Variants in IQGAP3 observed in about 807,000 individuals in gnomAD.
IQGAP3 encodes ras GTPase-activating-like protein IQGAP3.
IQGAP3 carries 165 observed loss-of-function variants against 208.2 expected under a neutral mutation model. That is an observed-to-expected ratio of 0.79 (90% CI 0.70 to 0.90). The LOEUF (loss-of-function observed/expected upper bound fraction) is 0.90, where lower values mean the gene tolerates loss of function less well. IQGAP3 is among the 40% of genes least tolerant of loss of function. The pLI, the probability that IQGAP3 is intolerant of heterozygous loss-of-function variation, is 0.00. For missense variants in IQGAP3, 1,811 were observed against 2,043.1 expected (o/e 0.89, Z 2.19); for synonymous variants, 703 against 803.6 (o/e 0.87, Z 2.12).
chr1:156,528,295 G>C (rs532621921), intron 36 of IQGAP3, among the ~76,000 whole-genome samples: 2 of 152,252 alleles, frequency 1.3e-5, no homozygotes, highest in South Asian at 2.1e-4. Flanking sequence ...AGCTTTCCCA[G>C]TACCCTCTGC....
In IQGAP3 at chr1:156,566,502, T is replaced by A. The variant is rs781563503; in HGVS notation, c.170A>T (p.Glu57Val). The A allele has an allele frequency of 6.2e-7, 1 of 1,614,020 alleles. No individual in the cohort carries two copies. The highest frequency in any genetic ancestry group is 1.1e-5 in the South Asian group (1 of 91,062). ...CLKEELPSPVELEESLRNGVL... is the reference protein window; with the variant it reads ...CLKEELPSPVVLEESLRNGVL... ...TCCATTCCGAAGGCTCTCCTCCAGC[T>A]CCACCGGGGAAGGAAGCTCCTCCTT... The change falls in exon 3 of 38, where the codon GAG becomes GTG. Residue 57 changes from glutamate (E) to valine (V), a missense_variant. Transcript: ENST00000361170.
rs530408154 is a variant in IQGAP3 at position 156,566,420 on chromosome 1, C to A, written c.252G>T (p.Lys84Asn). The change falls in exon 3 of 38, where the codon AAG (lysine) becomes AAT (asparagine). Residue 84 changes from lysine (K) to asparagine (N), a missense_variant. Coordinates refer to ENST00000361170, the MANE Select transcript of IQGAP3 (RefSeq NM_178229.5). ...CFAPSVVPLK[K>N]IYDVEQLRYQ... is the part of the protein sequence containing the mutation. ...ACCGCAGCTGCTCCACATCGTAGAT[C>A]TTCTTCAAGGGAACCACGGAGGGTG... is the stretch of plus-strand genomic sequence containing the variant. The A allele has an allele frequency of 2.5e-6, 4 of 1,614,154 alleles. No homozygotes were observed. The East Asian group carries it at 6.7e-5, about 27-fold the overall frequency.
intron 32 of IQGAP3, among the ~76,000 whole-genome samples, chr1:156,532,571 G>T (rs749304378): frequency 1.6e-4 from 24 of 152,106 alleles, no homozygotes; most frequent in Admixed American, 6.5e-4. Flanking sequence ...TTTGGGCCAG[G>T]CGCAGTGGGT....
In IQGAP3 at chr1:156,537,252, G is replaced by A. The variant is rs770754943; in HGVS notation, c.3351C>T (p.Ile1117=). ...TCATGGCGAGGAGGTTGCGTAGGGC[G>A]ATGTCCAGTCGTCTCTGGACCTCGG... ...SHPEVQRRLD[I]ALRNLLAMTD... Residue 1117 remains isoleucine, a synonymous_variant, in exon 27 of 38, where the codon ATC becomes ATT. Transcript: ENST00000361170. 39 of 1,614,042 alleles carry A rather than the reference G, an allele frequency of 2.4e-5. No individual in the cohort carries two copies. The highest frequency in any genetic ancestry group is 2.4e-4 in the South Asian group (22 of 91,070).
At chr1:156,540,673 G>A in intron 23 of IQGAP3, 35 bp downstream of exon 23, 1 of 1,564,416 alleles carries the variant, frequency 6.4e-7, no homozygotes, top group Non-Finnish European at 8.8e-7. Context: ...GAGGCAGGCA[G>A]ATCTCGGGGA....
chr1:156,531,238 C>T lies in IQGAP3; in HGVS notation c.4113G>A (p.Gln1371=). 1.2e-6 allele frequency: 2 copies of T among 1,613,462 alleles called. No individual in the cohort carries two copies. Among genetic ancestry groups the T allele is most frequent in the Non-Finnish European group, 1.7e-6 (2 of 1,179,558 alleles). The change falls in exon 33 of 38, where the codon CAG becomes CAA. Residue 1371 remains glutamine (Q), a synonymous_variant. Transcript: ENST00000361170. The part of the protein sequence containing the change: ...NTRSLLLSTK[Q]LLADIIQFHP... Reference sequence around the variant, plus strand: ...GGAACTGTATGATATCGGCCAACAGCTGCTTGGTGCTGCACAAGGAGGACA... The same window carrying T: ...GGAACTGTATGATATCGGCCAACAGTTGCTTGGTGCTGCACAAGGAGGACA...
intron 25 of IQGAP3, 50 bp downstream of exon 25, chr1:156,539,324 G>T (rs1674864848): frequency 6.4e-7 from 1 of 1,554,446 alleles, no homozygotes; most frequent in Non-Finnish European, 8.8e-7. Flanking sequence ...GCCAACAGGG[G>T]GATCTCTTAA....
intron 13 of IQGAP3, among the ~76,000 whole-genome samples, chr1:156,553,031 A>G (rs145235571): frequency 6.6e-6 from 1 of 152,226 alleles, no homozygotes; most frequent in African/African-American, 2.4e-5. Flanking sequence ...CCATGATTGC[A>G]CCACTGCACT....
intron 12 of IQGAP3, among the ~76,000 whole-genome samples, chr1:156,555,184 T>C (rs1305327805): frequency 2.0e-5 from 3 of 152,242 alleles, no homozygotes; most frequent in Non-Finnish European, 4.4e-5. Context: ...GTCCTTCTTC[T>C]GCTTTTCAAA....
intron 12 of IQGAP3, among the ~76,000 whole-genome samples, chr1:156,556,067 G>T (rs1418598291): frequency 6.6e-6 from 1 of 152,204 alleles, no homozygotes; most frequent in Non-Finnish European, 1.5e-5. Flanking sequence ...TTCTCTCCCT[G>T]TGTGTCTCTA....
In IQGAP3 at chr1:156,540,721, C is replaced by T. The variant is rs754197779; in HGVS notation, c.2726G>A (p.Arg909Gln). 4.8e-5 allele frequency: 77 copies of T among 1,613,820 alleles called. No homozygotes were observed. Among genetic ancestry groups the T allele is most frequent in the Admixed American group, 2.8e-4 (17 of 60,004 alleles). The change falls in exon 23 of 38, where the codon CGG becomes CAG. Residue 909 changes from arginine to glutamine, a missense_variant. Transcript: ENST00000361170. Reference protein sequence around the residue: ...DIKIGLLVKNRITLQEVVSHC... With the variant: ...DIKIGLLVKNQITLQEVVSHC... ...TGGGCCCCATACCTGCAGAGTGATCCGGTTCTTCACCAGCAGGCCAATCTT... is the reference window on the plus strand; with the variant it reads ...TGGGCCCCATACCTGCAGAGTGATCTGGTTCTTCACCAGCAGGCCAATCTT...
chr1:156,539,234 C>T, intron 25 of IQGAP3, 140 bp downstream of exon 25: 1 of 901,522 alleles, frequency 1.1e-6, no homozygotes, highest in Non-Finnish European at 1.7e-6. Context: ...TTTACGGTTT[C>T]TCCACAGGAG....
rs557708269 is a variant in IQGAP3, at chr1:156,562,237, C to T, written c.878-236G>A. ...CTCACCCAAATAGGCAAATGCCCAC[C>T]CATCCTGAGCCTTCACACGGCTCCT... On this transcript the variant is annotated intron_variant, in intron 9 of 37. Transcript: ENST00000361170. 2.0e-5 allele frequency among the ~76,000 whole-genome samples: 3 copies of T among 152,160 alleles called. No individual in the cohort carries two copies. The South Asian group carries it at 6.2e-4, about 32-fold the overall frequency.
At chr1:156,568,361 T>G (rs1322051211) in intron 2 of IQGAP3, among the ~76,000 whole-genome samples, 1 of 145,382 alleles carries the variant, frequency 6.9e-6, no homozygotes, top group Non-Finnish European at 1.5e-5. Context: ...ATTACAGGCA[T>G]GCACCACTGC....
chr1:156,537,869 G>A (rs1674770917), intron 26 of IQGAP3, among the ~76,000 whole-genome samples: 1 of 151,910 alleles, frequency 6.6e-6, no homozygotes, highest in Non-Finnish European at 1.5e-5. Context: ...ATCAATAGGA[G>A]TCCATATCCT....
intron 4 of IQGAP3, 83 bp downstream of exon 4, chr1:156,565,944 G>C: frequency 4.9e-6 from 5 of 1,021,172 alleles, no homozygotes; most frequent in Non-Finnish European, 7.8e-6. Context: ...AGGGCTAAAG[G>C]GTCCAGGGAG....
intron 29 of IQGAP3, 83 bp downstream of exon 29, chr1:156,534,418 C>T (rs760344034): frequency 4.6e-5 from 52 of 1,129,514 alleles, no homozygotes; most frequent in Non-Finnish European, 6.3e-5. Flanking sequence ...GCCTCTTGTC[C>T]TCATGGATTC....
In IQGAP3 at chr1:156,531,234, A is replaced by G; in HGVS notation, c.4117T>C (p.Leu1373=). Residue 1373 remains leucine (L), a synonymous_variant, in exon 33 of 38, where the codon TTG becomes CTG. Transcript: ENST00000361170. ...RSLLLSTKQL[L]ADIIQFHPGD... ...GGATGGAACTGTATGATATCGGCCA[A>G]CAGCTGCTTGGTGCTGCACAAGGAG... 6.2e-7 allele frequency: 1 copy of G among 1,613,730 alleles called. No homozygotes were observed. The highest frequency in any genetic ancestry group is 2.2e-5 in the East Asian group (1 of 44,850).
intron 37 of IQGAP3, among the ~76,000 whole-genome samples, chr1:156,527,748 G>A (rs1674170568): frequency 1.3e-5 from 2 of 152,198 alleles, no homozygotes; most frequent in East Asian, 1.9e-4. Context: ...ATGCTTGCCA[G>A]TGGGGTCTGT....
Sources: gnomAD v4.1 joint callset for allele counts (sites outside exome capture counted in the v4.1 genomes callset) on GRCh38, gnomAD v4.1.1 for gene constraint, MANE v1.5 for transcripts, NCBI Gene and HGNC (gene_info 2026-07-23, HGNC 2026-07-21) for gene names.